The following MORF4L1 variants were observed in gnomAD, a reference collection of about 807,000 sequenced individuals.
MORF4L1 encodes mortality factor 4-like protein 1.
In MORF4L1, 4 loss-of-function variants were observed where a neutral mutation model predicts 52.9. That is an observed-to-expected ratio of 0.08 (90% CI 0.04 to 0.17). The LOEUF (loss-of-function observed/expected upper bound fraction) is 0.17. Among genes scored for constraint, MORF4L1 ranks in the 10% least tolerant of loss-of-function variants. The pLI, the probability that MORF4L1 is intolerant of heterozygous loss-of-function variation, is 1.00. For missense variants in MORF4L1, 214 were observed against 390.4 expected, an observed-to-expected ratio of 0.55 and a Z score of 3.81; for synonymous variants, 123 against 134.8, an observed-to-expected ratio of 0.91 and a Z score of 0.61.
intron 4 of MORF4L1, among the ~76,000 whole-genome samples, chr15:78,886,756 C>G (rs954941136): frequency 1.3e-5 from 2 of 152,082 alleles, no homozygotes; most frequent in African/African-American, 2.4e-5. Flanking sequence ...GAGATCAAGA[C>G]CATCCTGGCT....
intron 3 of MORF4L1, chr15:78,885,068 C>G: frequency 1.2e-6 from 2 of 1,611,210 alleles, no homozygotes; most frequent in Non-Finnish European, 1.7e-6. Context: ...GTACACCACC[C>G]CCTCCTGACC....
chr15:78,892,335 A>G (rs2056815014), intron 8 of MORF4L1, 22 bp downstream of exon 8: 3 of 1,546,676 alleles, frequency 1.9e-6, no homozygotes, highest in Non-Finnish European at 2.7e-6. Flanking sequence ...AGCTACCCAG[A>G]TTGTTAAGCT....
At chr15:78,879,201 T>C (rs138076766) in intron 2 of MORF4L1, among the ~76,000 whole-genome samples, 1,777 of 152,190 alleles carry the variant, frequency 0.012, 23 homozygotes, top group Middle Eastern at 0.044. Context: ...CGAGACTCTC[T>C]CTCTCTTTAT....
At chr15:78,885,444 A>G (rs890965845) in intron 3 of MORF4L1, among the ~76,000 whole-genome samples, 1 of 152,210 alleles carries the variant, frequency 6.6e-6, no homozygotes, top group Non-Finnish European at 1.5e-5. Context: ...CTGCCTTCTA[A>G]TATTTAGAAA....
chr15:78,883,572 A>C (rs2056640984), intron 3 of MORF4L1, among the ~76,000 whole-genome samples: 1 of 152,198 alleles, frequency 6.6e-6, no homozygotes, highest in Non-Finnish European at 1.5e-5. Context: ...AGGTTTGTGT[A>C]GATTTTTTTG....
chr15:78,893,219 A>G (rs536748101), intron 8 of MORF4L1, among the ~76,000 whole-genome samples: 2 of 152,318 alleles, frequency 1.3e-5, no homozygotes, highest in South Asian at 4.1e-4. Context: ...TGTGTGACAG[A>G]TTGACATTTT....
chr15:78,895,000 T>C lies in MORF4L1; in HGVS notation c.887+96T>C. On this transcript the variant is annotated intron_variant, in intron 11 of 11. Coordinates refer to ENST00000426013, the MANE Select transcript of MORF4L1 (RefSeq NM_006791.4). ...GATGCTAAAACATTAAACATTATAT[T>C]GGTACAGGCATAGATAGTTGGTAAT... is the stretch of plus-strand genomic sequence containing the variant. The C allele has an allele frequency of 4.1e-6, 4 of 975,960 alleles. No homozygotes were observed. The Admixed American group carries it at 5.6e-5, about 14-fold the overall frequency. The allele number at this position is 975,960 out of a possible 1,614,324, so 60.5% of individuals were successfully genotyped here.
Position 78,890,995 on chromosome 15 carries a change from G to T in MORF4L1, c.330G>T (p.Thr110=). 6.9e-7 allele frequency: 1 copy of T among 1,455,608 alleles called. No homozygotes were observed. Among genetic ancestry groups the T allele is most frequent in the South Asian group, 1.3e-5 (1 of 79,614 alleles). The allele number at this position is 1,455,608 out of a possible 1,614,324, so 90.2% of individuals were successfully genotyped here. ...TTTTTTTCTCTCCTTTTAGGAAAAC[G>T]AAAAAGAACAAACAGAAAAGTAAGA... ...GLQQKNVEVK[T]KKNKQKTPGN... is the part of the protein sequence containing the mutation. The change falls in exon 6 of 12, where the codon ACG becomes ACT. Residue 110 remains threonine, a synonymous_variant. Coordinates refer to ENST00000426013, the MANE Select transcript of MORF4L1 (RefSeq NM_006791.4).
intron 11 of MORF4L1, among the ~76,000 whole-genome samples, chr15:78,896,308 CTTTTTTTTTTTTT>C (rs71148578): frequency 8.6e-5 from 7 of 81,446 alleles, no homozygotes; most frequent in South Asian, 4.6e-4. Flanking sequence ...CTTTTCTTTT[CTTTTTTTTTTTTT>C]TTTTTTTTTT....
In MORF4L1 at chr15:78,880,393, T is replaced by A. The variant is rs2056579046; in HGVS notation, c.88-119T>A. On this transcript the variant is annotated intron_variant, in intron 2 of 11. Transcript: ENST00000426013. ...TGAGTATTCTACAAGCTTAGTGTTC[T>A]TAGTCATTCTGTTTAGGCCACCATA... is the stretch of plus-strand genomic sequence containing the variant. The A allele has an allele frequency of 4.3e-6, 3 of 690,146 alleles. No homozygotes were observed. In the South Asian group the frequency reaches 5.3e-5, roughly 12 times the overall value. The allele number at this position is 690,146 out of a possible 1,614,324, so 42.8% of individuals were successfully genotyped here.
chr15:78,875,919 A>T (rs2056478820), intron 1 of MORF4L1, among the ~76,000 whole-genome samples: 1 of 151,888 alleles, frequency 6.6e-6, no homozygotes, highest in Non-Finnish European at 1.5e-5. Flanking sequence ...GAGTGGCGAG[A>T]AGTAGTGTTT....
intron 5 of MORF4L1, among the ~76,000 whole-genome samples, chr15:78,889,281 A>AAT (rs2056758606): frequency 6.6e-6 from 1 of 152,202 alleles, no homozygotes; most frequent in Non-Finnish European, 1.5e-5. Context: ...GACTTATTGA[A>AAT]GTGTATGGGT....
At chr15:78,884,203 CA>C (rs71451729) in intron 3 of MORF4L1, among the ~76,000 whole-genome samples, 13 of 114,802 alleles carry the variant, frequency 1.1e-4, no homozygotes, top group Admixed American at 2.8e-4. Context: ...GACTCCATCT[CA>C]AAAAAAAAAA....
In MORF4L1 at chr15:78,878,268, C is replaced by G. The variant is rs1258058401; in HGVS notation, c.87+9C>G. On this transcript the variant is annotated intron_variant, in intron 2 of 11. Transcript: ENST00000426013. Reference sequence around the variant, plus strand: ...TTCTTTATGAAGCAAAGGTATGAAACTTGTTTTCTTTTGAGAAGTTGGCCA... The same window carrying G: ...TTCTTTATGAAGCAAAGGTATGAAAGTTGTTTTCTTTTGAGAAGTTGGCCA... The G allele has an allele frequency of 6.2e-7, 1 of 1,610,000 alleles. No homozygotes were observed. The highest frequency in any genetic ancestry group is 1.3e-5 in the African/African-American group (1 of 74,786).
In MORF4L1 at chr15:78,876,453, CTGGG is replaced by C. The variant is rs141017220; in HGVS notation, c.41-1758_41-1755del. ...ATTTTGAGACGGAGCATTTGCTGTCCTGGGTCATACTCCTCAGCTAGCTGTATAT... is the reference window on the plus strand; with the variant it reads ...ATTTTGAGACGGAGCATTTGCTGTCCTCATACTCCTCAGCTAGCTGTATAT... On this transcript the variant is annotated intron_variant, in intron 1 of 11. Transcript: ENST00000426013. 0.029 allele frequency: 12,653 copies of C among 439,874 alleles called. 1,663 individuals are homozygous for C. The East Asian group carries it at 0.38, about 13-fold the overall frequency. 27.2% of individuals were successfully genotyped at this position (439,874 alleles called of 1,614,324 possible). A position where few individuals can be genotyped will look rare whatever the true frequency, so the allele number is the denominator to read the frequency against.
intron 5 of MORF4L1, among the ~76,000 whole-genome samples, chr15:78,889,625 G>T (rs901406148): frequency 6.6e-6 from 1 of 152,070 alleles, no homozygotes; most frequent in African/African-American, 2.4e-5. Flanking sequence ...ATATTGACAC[G>T]TGCAAGTAAA....
chr15:78,896,533 C>T (rs1187461485), intron 11 of MORF4L1, among the ~76,000 whole-genome samples: 2 of 151,974 alleles, frequency 1.3e-5, no homozygotes, highest in South Asian at 4.2e-4. Flanking sequence ...GGTCTTGAAC[C>T]CCAACCTCAG....
intron 8 of MORF4L1, 179 bp downstream of exon 8, chr15:78,892,492 T>G (rs1334227874): frequency 2.1e-6 from 1 of 477,512 alleles, no homozygotes; most frequent in Non-Finnish European, 3.8e-6. Context: ...GTTAGAAGAA[T>G]AAAAGTTCAC....
At chr15:78,882,506 T>C (rs925949911) in intron 3 of MORF4L1, among the ~76,000 whole-genome samples, 49 of 152,284 alleles carry the variant, frequency 3.2e-4, no homozygotes, top group African/African-American at 1.2e-3. Context: ...AACAGGAAAA[T>C]AGTGACTCCT....
Sources: gnomAD v4.1 joint callset for allele counts (sites outside exome capture counted in the v4.1 genomes callset) on GRCh38, gnomAD v4.1.1 for gene constraint, MANE v1.5 for transcripts, NCBI Gene and HGNC (gene_info 2026-07-23, HGNC 2026-07-21) for gene names.